The following AFDN variants were observed in gnomAD, a reference collection of about 807,000 sequenced individuals.
AFDN encodes afadin, adherens junction formation factor.
AFDN carries 68 observed loss-of-function variants against 216.6 expected under a neutral mutation model. That is an observed-to-expected ratio of 0.31 (90% CI 0.26 to 0.38). The LOEUF (loss-of-function observed/expected upper bound fraction) is 0.38. Among genes scored for constraint, AFDN ranks in the 10% least tolerant of loss-of-function variants. The pLI is 1.00. For missense variants in AFDN, 2,136 were observed against 2,342.0 expected (o/e 0.91, Z 1.82); for synonymous variants, 868 against 853.7 (o/e 1.02, Z -0.29).
rs973425892 is a variant in AFDN at position 167,971,068 on chromosome 6, A to T, written c.*1133A>T. 3.2e-5 allele frequency: 7 copies of T among 220,108 alleles called. No individual in the cohort carries two copies. The highest frequency in any genetic ancestry group is 1.6e-4 in the African/African-American group (7 of 44,622). The allele number at this position is 220,108 out of a possible 1,614,324, so 13.6% of individuals were successfully genotyped here. A position where few individuals can be genotyped will look rare whatever the true frequency, so the allele number is the denominator to read the frequency against. ...TTCTTCAGCTATGGATATGTGGCTG[A>T]TGTTGGGGAGACGGACCTCAGTGTG... On this transcript the variant is annotated 3_prime_UTR_variant, in exon 34 of 34. Transcript: ENST00000683244.
intron 22 of AFDN, among the ~76,000 whole-genome samples, chr6:167,923,695 C>G (rs1792121779): frequency 7.1e-6 from 1 of 140,560 alleles, no homozygotes; most frequent in Non-Finnish European, 1.5e-5. Flanking sequence ...CGCGATTTGG[C>G]TTATTGCAAC....
chr6:167,939,812 C>T (rs1052111299), intron 23 of AFDN, among the ~76,000 whole-genome samples: 1 of 152,036 alleles, frequency 6.6e-6, no homozygotes, highest in South Asian at 2.1e-4. Flanking sequence ...AGTATTTTTC[C>T]GTAGTGTGTC....
At chr6:167,914,868 T>C (rs1407748116) in intron 18 of AFDN, 130 bp downstream of exon 18, 8 of 680,606 alleles carry the variant, frequency 1.2e-5, no homozygotes, top group East Asian at 2.7e-5. Flanking sequence ...TGGCAATCTT[T>C]AATAAATTTT....
intron 5 of AFDN, among the ~76,000 whole-genome samples, chr6:167,879,623 G>A (rs746002294): frequency 7.7e-4 from 117 of 152,132 alleles, no homozygotes; most frequent in Non-Finnish European, 1.4e-3. Flanking sequence ...GACACCAAAA[G>A]TGACAATATT....
rs1794921671 is a variant in AFDN, at chr6:167,943,396, G to A, written c.3166-6G>A. ...AATCCATGCACACACCTGTGGATTT[G>A]CCTAGGATGGACGTCTAGCTGCAGG... On this transcript the variant is annotated splice_region_variant and splice_polypyrimidine_tract_variant and intron_variant, in intron 24 of 33. Coordinates refer to ENST00000683244, the MANE Select transcript of AFDN (RefSeq NM_001386888.1). The A allele has an allele frequency of 1.9e-6, 3 of 1,613,910 alleles. No homozygotes were observed. The highest frequency in any genetic ancestry group is 1.3e-5 in the African/African-American group (1 of 75,042).
chr6:167,914,693 T>C lies in AFDN; in HGVS notation c.2254T>C (p.Phe752Leu). The C allele has an allele frequency of 6.2e-7, 1 of 1,613,718 alleles. No individual in the cohort carries two copies. Residue 752 changes from phenylalanine (F) to leucine (L), a missense_variant, in exon 18 of 34, where the codon TTT becomes CTT. Around this residue, in one of 8 missense-constraint regions of AFDN, gnomAD observed 817 missense variants for 965.7 expected, o/e 0.85. Transcript: ENST00000683244. ...AGAACTTAATAATTACATGCCAGCC[T>C]TTCTAGATGACCCTGAAGAGAACAG... ...QSELNNYMPA[F>L]LDDPEENSLQ...
intron 32 of AFDN, among the ~76,000 whole-genome samples, chr6:167,967,116 C>T (rs1460787826): frequency 6.6e-6 from 1 of 152,186 alleles, no homozygotes; most frequent in Non-Finnish European, 1.5e-5. Context: ...CATAAGGATT[C>T]AGATTTCACA....
chr6:167,922,807 C>T, intron 21 of AFDN, 49 bp from the exon 22 acceptor site: 10 of 1,280,548 alleles, frequency 7.8e-6, no homozygotes, highest in Non-Finnish European at 1.1e-5. Context: ...CTTCCTTTAT[C>T]TTGACAAGAT....
intron 31 of AFDN, chr6:167,963,552 A>C: frequency 9.5e-7 from 1 of 1,057,550 alleles, no homozygotes; most frequent in East Asian, 5.3e-5. Flanking sequence ...AGAACAATCT[A>C]AGAGTAAGCT....
chr6:167,918,779 T>C lies in AFDN; in HGVS notation c.2754T>C (p.Asp918=), dbSNP rs1228404592. 1 of 1,613,604 alleles carries C rather than the reference T, an allele frequency of 6.2e-7. No homozygotes were observed. The highest frequency in any genetic ancestry group is 8.5e-7 in the Non-Finnish European group (1 of 1,179,524). Residue 918 remains aspartate (D), a synonymous_variant, in exon 21 of 34, where the codon GAT becomes GAC. Transcript: ENST00000683244. The part of the protein sequence containing the change: ...NVVTVAENTA[D]ELARSDGREV... Reference sequence around the variant, plus strand: ...TGACTGTGGCTGAAAACACTGCCGATGAGCTGGCCCGCAGTGATGGAAGGG... The same window carrying C: ...TGACTGTGGCTGAAAACACTGCCGACGAGCTGGCCCGCAGTGATGGAAGGG...
intron 23 of AFDN, among the ~76,000 whole-genome samples, chr6:167,937,879 T>A (rs1167321517): frequency 6.6e-6 from 1 of 152,222 alleles, no homozygotes; most frequent in Non-Finnish European, 1.5e-5. Context: ...ACAGACCTCC[T>A]CATCGTAGGT....
chr6:167,833,740 G>A (rs1170632879), intron 1 of AFDN, among the ~76,000 whole-genome samples: 1 of 152,094 alleles, frequency 6.6e-6, no homozygotes, highest in African/African-American at 2.4e-5. Context: ...GGTTCTGTAT[G>A]TTAAGTAGAG....
chr6:167,961,602 GTGT>G (rs368424316), intron 30 of AFDN, among the ~76,000 whole-genome samples: 46,172 of 151,932 alleles, frequency 0.3, 7,619 homozygotes, highest in East Asian at 0.6. Context: ...GTATCTTTCT[GTGT>G]TGTTTCAAAA....
At position 167,917,228 on chromosome 6, in the gene AFDN, C is replaced by G; in HGVS notation, c.2705C>G (p.Pro902Arg). The G allele has an allele frequency of 6.3e-7, 1 of 1,588,900 alleles. No individual in the cohort carries two copies. The highest frequency in any genetic ancestry group is 2.3e-5 in the East Asian group (1 of 43,972). ...YHCAPDEPFI[P>R]TDLIENVVTV... ...TGTGCACCTGATGAGCCTTTTATCC[C>G]AACGGTGAGTGGATGTTGCCACATT... The change falls in exon 20 of 34, where the codon CCA becomes CGA. Residue 902 changes from proline (P) to arginine (R), a missense_variant. Pro to Arg is a moderately radical substitution (Grantham distance 103, BLOSUM62 -2). Transcript: ENST00000683244.
In AFDN at chr6:167,951,234, C is replaced by T; in HGVS notation, c.3880C>T (p.Leu1294Phe). ...ACTTCGAGAAGATAAAGCTTACCAA[C>T]TTGAGCGGCATCGAATAGAGGCAGC... ...EELREDKAYQ[L>F]ERHRIEAAMD... The change falls in exon 30 of 34, where the codon CTT (leucine) becomes TTT (phenylalanine). Residue 1294 changes from leucine (L) to phenylalanine (F), a missense_variant. Physicochemically the swap from Leu to Phe is conservative, Grantham distance 22 (BLOSUM62 0). Around this residue, in one of 8 missense-constraint regions of AFDN, gnomAD observed 981 missense variants for 966.0 expected, o/e 1.02. Transcript: ENST00000683244. The surrounding 1 kb of genome is among the most constrained non-coding windows in gnomAD (Gnocchi z 7.1). The T allele has an allele frequency of 1.9e-6, 3 of 1,602,006 alleles. No individual in the cohort carries two copies. Among genetic ancestry groups the T allele is most frequent in the Non-Finnish European group, 2.6e-6 (3 of 1,175,372 alleles).
intron 22 of AFDN, among the ~76,000 whole-genome samples, chr6:167,923,620 CTTTTTTTT>C: frequency 8.9e-6 from 1 of 111,972 alleles, no homozygotes; most frequent in Admixed American, 1.0e-4. Context: ...TACCCTAATA[CTTTTTTTT>C]TTTTTTTTTT....
At chr6:167,838,659 T>G (rs1439863741) in intron 1 of AFDN, among the ~76,000 whole-genome samples, 3 of 152,210 alleles carry the variant, frequency 2.0e-5, no homozygotes, top group Non-Finnish European at 4.4e-5. Context: ...AAAGGGTGAA[T>G]CTCAGACACA....
chr6:167,964,687 T>C (rs1011907610), intron 31 of AFDN: 1 of 1,052,830 alleles, frequency 9.5e-7, no homozygotes, highest in Non-Finnish European at 1.1e-6. Flanking sequence ...AGGGAGAAAA[T>C]ACAGGATGAA....
rs372355412 is a variant in AFDN, at chr6:167,939,659, A to G, written c.3100-3470A>G. On this transcript the variant is annotated intron_variant, in intron 23 of 33. Coordinates refer to ENST00000683244, the MANE Select transcript of AFDN (RefSeq NM_001386888.1). ...TGTTCCGTGAATGAAATTGTCGTTTAAACAGCCAAGTTGTAGAATTAAAGT... is the reference window on the plus strand; with the variant it reads ...TGTTCCGTGAATGAAATTGTCGTTTGAACAGCCAAGTTGTAGAATTAAAGT... Among the ~76,000 whole-genome samples the G allele has an allele frequency of 9.8e-5, 15 of 152,340 alleles. No homozygotes were observed. The East Asian group carries it at 2.3e-3, about 24-fold the overall frequency.
Sources: gnomAD v4.1 joint callset for allele counts (sites outside exome capture counted in the v4.1 genomes callset) on GRCh38, gnomAD v4.1.1 for gene constraint, gnomAD v4.1.1 regional missense constraint, Gnocchi (gnomAD v3.1) non-coding constraint, MANE v1.5 for transcripts, NCBI Gene and HGNC (gene_info 2026-07-23, HGNC 2026-07-21) for gene names.